UBTD1: variants seen among roughly 807,000 people sequenced by gnomAD.
UBTD1 encodes the protein ubiquitin domain containing 1, also known as ubiquitin domain-containing protein 1.
UBTD1 carries 19 observed loss-of-function variants against 21.7 expected under a neutral mutation model. The ratio of observed to expected loss-of-function variants is 0.87; its 90% CI spans 0.61 to 1.28. UBTD1 has a LOEUF of 1.28. UBTD1 is among the 50% of genes most tolerant of loss of function. The probability of loss-of-function intolerance (pLI) is 0.00; values close to 1 mark genes in which losing one functional copy is unlikely to be tolerated. For synonymous variants in UBTD1, 116 were observed against 135.1 expected, an observed-to-expected ratio of 0.86 and a Z score of 0.98; for missense variants, 282 against 315.1, an observed-to-expected ratio of 0.89 and a Z score of 0.80.
At chr10:97,561,761 G>C (rs1564744812) in intron 1 of UBTD1, among the ~76,000 whole-genome samples, 1 of 151,428 alleles carries the variant, frequency 6.6e-6, no homozygotes, top group East Asian at 1.9e-4. Flanking sequence ...TGGGTACTGA[G>C]TATAAAACCA....
At chr10:97,558,355 C>T (rs2040675078) in intron 1 of UBTD1, among the ~76,000 whole-genome samples, 1 of 152,078 alleles carries the variant, frequency 6.6e-6, no homozygotes, top group Non-Finnish European at 1.5e-5. Flanking sequence ...CTAATGATGT[C>T]CTTTGGTATT....
At chr10:97,543,723 G>A (rs1166609397) in intron 1 of UBTD1, among the ~76,000 whole-genome samples, 1 of 152,216 alleles carries the variant, frequency 6.6e-6, no homozygotes, top group African/African-American at 2.4e-5. Flanking sequence ...CCTAGAGCCT[G>A]TTGCTGGGGT....
intron 1 of UBTD1, among the ~76,000 whole-genome samples, chr10:97,538,953 T>C (rs969898431): frequency 5.9e-5 from 9 of 152,096 alleles, no homozygotes; most frequent in African/African-American, 2.2e-4. Flanking sequence ...CTGGGAACCA[T>C]GTTACAGATG....
intron 1 of UBTD1, among the ~76,000 whole-genome samples, chr10:97,534,993 C>T (rs1428249684): frequency 1.3e-5 from 2 of 152,252 alleles, no homozygotes; most frequent in South Asian, 2.1e-4. Context: ...CTGCCACCCC[C>T]TTGAGGCCCA....
At chr10:97,519,076 A>T (rs895225351) in intron 1 of UBTD1, among the ~76,000 whole-genome samples, 1 of 152,220 alleles carries the variant, frequency 6.6e-6, no homozygotes, top group East Asian at 1.9e-4. Flanking sequence ...CTAGAGGAGG[A>T]GACGGCCATG....
intron 1 of UBTD1, among the ~76,000 whole-genome samples, chr10:97,554,307 A>T (rs2040654004): frequency 7.1e-6 from 1 of 140,000 alleles, no homozygotes; most frequent in Admixed American, 7.4e-5. Flanking sequence ...GAGTACAGTG[A>T]CATGATCTCA....
At chr10:97,502,288 G>T (rs1216013734) in intron 1 of UBTD1, among the ~76,000 whole-genome samples, 3 of 152,096 alleles carry the variant, frequency 2.0e-5, no homozygotes, top group Non-Finnish European at 4.4e-5. Context: ...AACTCTGTAG[G>T]ATGACAAATT....
At chr10:97,561,238 G>A (rs73332724) in intron 1 of UBTD1, among the ~76,000 whole-genome samples, 2 of 152,112 alleles carry the variant, frequency 1.3e-5, no homozygotes, top group Non-Finnish European at 1.5e-5. Context: ...TCCCCACAGG[G>A]ATGCTCCACA....
At chr10:97,512,289 G>A (rs966345223) in intron 1 of UBTD1, among the ~76,000 whole-genome samples, 1 of 152,148 alleles carries the variant, frequency 6.6e-6, no homozygotes, top group Non-Finnish European at 1.5e-5. Context: ...TTCCCGGGGG[G>A]ACAGCAGCAC....
intron 1 of UBTD1, among the ~76,000 whole-genome samples, chr10:97,528,063 G>A (rs1391264180): frequency 2.1e-5 from 3 of 140,992 alleles, no homozygotes; most frequent in African/African-American, 7.8e-5. Context: ...CGGGGCGGCT[G>A]GCTGGGCGGG....
intron 1 of UBTD1, among the ~76,000 whole-genome samples, chr10:97,532,798 AAAAGAAAG>A (rs71007346): frequency 0.017 from 2,483 of 149,040 alleles, 67 homozygotes; most frequent in African/African-American, 0.056. Flanking sequence ...CTCAAAAAAA[AAAAGAAAG>A]AAAGAAAGAA....
chr10:97,570,029 A>G lies in UBTD1; in HGVS notation c.299-109A>G. The G allele has an allele frequency of 7.0e-7, 1 of 1,434,912 alleles. No homozygotes were observed. Among genetic ancestry groups the G allele is most frequent in the East Asian group, 2.3e-5 (1 of 43,554 alleles). 88.9% of individuals were successfully genotyped at this position (1,434,912 alleles called of 1,614,324 possible). On this transcript the variant is annotated intron_variant, in intron 2 of 2. Transcript: ENST00000370664. The surrounding 1 kb of genome is among the most constrained non-coding windows in gnomAD (Gnocchi z 6.6). Reference sequence around the variant, plus strand: ...CTGTATAGGCCCCATGTCCAAATACAGTCACATTGGGGGTTAGAGTTTCAC... The same window carrying G: ...CTGTATAGGCCCCATGTCCAAATACGGTCACATTGGGGGTTAGAGTTTCAC...
intron 1 of UBTD1, among the ~76,000 whole-genome samples, chr10:97,500,564 A>C (rs1241224077): frequency 6.6e-6 from 1 of 152,192 alleles, no homozygotes; most frequent in Non-Finnish European, 1.5e-5. Context: ...TCATTTGTTC[A>C]ACAAATATGT....
At chr10:97,556,363 G>T (rs567654140) in intron 1 of UBTD1, among the ~76,000 whole-genome samples, 1 of 152,198 alleles carries the variant, frequency 6.6e-6, no homozygotes, top group Non-Finnish European at 1.5e-5. Context: ...ACCTTCTTCA[G>T]CTGCTAGCAA....
At chr10:97,561,536 A>C (rs765162578) in intron 1 of UBTD1, among the ~76,000 whole-genome samples, 24 of 152,086 alleles carry the variant, frequency 1.6e-4, no homozygotes, top group Non-Finnish European at 2.6e-4. Context: ...GTGACAGGGG[A>C]TGCATGCACC....
intron 1 of UBTD1, among the ~76,000 whole-genome samples, chr10:97,531,667 GT>G (rs768143710): frequency 3.3e-5 from 5 of 152,176 alleles, no homozygotes; most frequent in Non-Finnish European, 7.3e-5. Context: ...CCTTTGGTTA[GT>G]CCCCCAGGGG....
intron 1 of UBTD1, among the ~76,000 whole-genome samples, chr10:97,525,674 T>A (rs1484871139): frequency 2.6e-5 from 4 of 152,282 alleles, no homozygotes; most frequent in Middle Eastern, 3.4e-3. Flanking sequence ...CATTCTCAAT[T>A]CTAATCACTG....
chr10:97,523,621 T>G (rs930908890), intron 1 of UBTD1, among the ~76,000 whole-genome samples: 1 of 152,094 alleles, frequency 6.6e-6, no homozygotes, highest in Non-Finnish European at 1.5e-5. Context: ...GAAGGTGGGC[T>G]AGAGCTGGCA....
At chr10:97,527,165 T>C (rs2040492897) in intron 1 of UBTD1, among the ~76,000 whole-genome samples, 1 of 111,900 alleles carries the variant, frequency 8.9e-6, no homozygotes. Flanking sequence ...GCGAAACTCT[T>C]GTCTCCAAAA....
Sources: allele counts gnomAD v4.1 joint callset (sites outside exome capture counted in the v4.1 genomes callset), GRCh38; gene constraint gnomAD v4.1.1; non-coding constraint Gnocchi (gnomAD v3.1); transcripts MANE v1.5; gene names NCBI Gene and HGNC (gene_info 2026-07-23, HGNC 2026-07-21).